The following GLCE variants were observed in gnomAD, a reference collection of about 807,000 sequenced individuals.
GLCE encodes the protein glucuronic acid epimerase.
GLCE carries 19 observed loss-of-function variants against 47.9 expected under a neutral mutation model. The observed-to-expected ratio is 0.40, with a 90% CI of 0.28 to 0.58. The LOEUF is 0.58. Among genes scored for constraint, GLCE ranks in the 20% least tolerant of loss-of-function variants. GLCE has a pLI of 0.48. For missense variants in GLCE, 556 were observed against 743.3 expected (o/e 0.75, Z 2.93); for synonymous variants, 245 against 263.4 (o/e 0.93, Z 0.68).
At chr15:69,216,824 ATGAT>A (rs2052314031) in intron 2 of GLCE, among the ~76,000 whole-genome samples, 2 of 152,158 alleles carry the variant, frequency 1.3e-5, no homozygotes, top group African/African-American at 2.4e-5. Flanking sequence ...GTGAGTAATT[ATGAT>A]TGATTCTGTT....
chr15:69,219,370 A>G (rs185420729), intron 2 of GLCE, among the ~76,000 whole-genome samples: 7 of 152,310 alleles, frequency 4.6e-5, no homozygotes, highest in Admixed American at 4.6e-4. Context: ...GACATTTGGT[A>G]AGGAAAAAGT....
Position 69,271,733 on chromosome 15 carries a change from G to A in GLCE, c.*2489G>A, listed in dbSNP as rs992172477. ...TATTGCTACTTCAGTTGTAAAACCA[G>A]CCAAAAGTTTCTGGATGAAGGTCAA... On this transcript the variant is annotated 3_prime_UTR_variant, in exon 5 of 5. Coordinates refer to ENST00000261858, the MANE Select transcript of GLCE (RefSeq NM_015554.3). 6.6e-6 allele frequency: 1 copy of A among 152,428 alleles called. No homozygotes were observed. The highest frequency in any genetic ancestry group is 1.5e-5 in the Non-Finnish European group (1 of 68,030). The allele number at this position is 152,428 out of a possible 1,614,324, so 9.4% of individuals were successfully genotyped here.
intron 2 of GLCE, among the ~76,000 whole-genome samples, chr15:69,247,180 A>G (rs1040063841): frequency 6.6e-6 from 1 of 152,238 alleles, no homozygotes; most frequent in African/African-American, 2.4e-5. Context: ...TTCTAATAGA[A>G]GACTGCTTTG....
intron 2 of GLCE, among the ~76,000 whole-genome samples, chr15:69,215,168 A>G (rs913387155): frequency 3.9e-5 from 6 of 152,256 alleles, no homozygotes; most frequent in Non-Finnish European, 8.8e-5. Flanking sequence ...ATCTACCAAC[A>G]GCAGTTCTGT....
At chr15:69,241,983 A>G (rs1439617139) in intron 2 of GLCE, among the ~76,000 whole-genome samples, 1 of 152,230 alleles carries the variant, frequency 6.6e-6, no homozygotes, top group African/African-American at 2.4e-5. Context: ...AGACCACCTT[A>G]TCAATTTCTG....
intron 1 of GLCE, among the ~76,000 whole-genome samples, 186 bp from the exon 2 acceptor site, chr15:69,210,130 G>T (rs1475423970): frequency 1.3e-5 from 2 of 152,094 alleles, no homozygotes; most frequent in Non-Finnish European, 2.9e-5. Flanking sequence ...ACCTGTGGTT[G>T]CTTCAGTGGT....
intron 1 of GLCE, among the ~76,000 whole-genome samples, chr15:69,193,250 G>A (rs2051940034): frequency 6.6e-6 from 1 of 152,064 alleles, no homozygotes; most frequent in African/African-American, 2.4e-5. Flanking sequence ...CCCTTTTAGG[G>A]CAATAGTCTG....
chr15:69,190,708 T>C (rs1170454354), intron 1 of GLCE, among the ~76,000 whole-genome samples: 1 of 152,150 alleles, frequency 6.6e-6, no homozygotes, highest in Admixed American at 6.6e-5. Flanking sequence ...TACTTCTTTT[T>C]AAATACAATC....
intron 1 of GLCE, among the ~76,000 whole-genome samples, chr15:69,186,121 G>A (rs1055744013): frequency 2.0e-5 from 3 of 152,126 alleles, no homozygotes; most frequent in Admixed American, 1.3e-4. Context: ...GGGAACCTCC[G>A]TATGTTCAGC....
intron 2 of GLCE, among the ~76,000 whole-genome samples, chr15:69,239,508 C>G (rs976234579): frequency 2.6e-5 from 4 of 152,152 alleles, no homozygotes; most frequent in African/African-American, 9.7e-5. Flanking sequence ...CTGTTCCTCA[C>G]AGGTACAGAT....
At chr15:69,228,701 T>C (rs1269889316) in intron 2 of GLCE, among the ~76,000 whole-genome samples, 1 of 152,216 alleles carries the variant, frequency 6.6e-6, no homozygotes, top group African/African-American at 2.4e-5. Flanking sequence ...ATTTCTTTCT[T>C]TTTCTTTTGA....
rs890406007 is a variant in GLCE, at chr15:69,270,901, A to G, written c.*1657A>G. On this transcript the variant is annotated 3_prime_UTR_variant, in exon 5 of 5. Transcript: ENST00000261858. ...TTATTAGGCTTACCCCTAGCTTTTG[A>G]CCTTTGCATTTCATATATGTTAGAT... The G allele has an allele frequency of 2.6e-5, 4 of 152,126 alleles. No individual in the cohort carries two copies. Among genetic ancestry groups the G allele is most frequent in the African/African-American group, 7.2e-5 (3 of 41,420 alleles). The allele number at this position is 152,126 out of a possible 1,614,324, so 9.4% of individuals were successfully genotyped here. A position where few individuals can be genotyped will look rare whatever the true frequency, so the allele number is the denominator to read the frequency against.
intron 1 of GLCE, among the ~76,000 whole-genome samples, chr15:69,174,664 A>G (rs1242708493): frequency 3.3e-5 from 5 of 152,178 alleles, no homozygotes; most frequent in Non-Finnish European, 4.4e-5. Context: ...CCCAAAGATT[A>G]TTAACTTCTA....
intron 1 of GLCE, among the ~76,000 whole-genome samples, chr15:69,164,166 C>A (rs2051467024): frequency 6.6e-6 from 1 of 151,944 alleles, no homozygotes; most frequent in African/African-American, 2.4e-5. Context: ...TTTTGTCAAA[C>A]ATATACACAT....
intron 1 of GLCE, among the ~76,000 whole-genome samples, chr15:69,164,578 T>C (rs989987375): frequency 6.6e-6 from 1 of 151,190 alleles, no homozygotes; most frequent in Non-Finnish European, 1.5e-5. Context: ...TATAAAAAGA[T>C]ACATATACAC....
In GLCE at chr15:69,267,266, A is replaced by G. The variant is rs190523241; in HGVS notation, c.830-954A>G. Reference sequence around the variant, plus strand: ...GGCTTCGGAATAATAACCATCATTTATTACTATATTCCACTCCATTGTCTT... The same window carrying G: ...GGCTTCGGAATAATAACCATCATTTGTTACTATATTCCACTCCATTGTCTT... On this transcript the variant is annotated intron_variant, in intron 4 of 4. Transcript: ENST00000261858. 2.6e-5 allele frequency among the ~76,000 whole-genome samples: 4 copies of G among 152,328 alleles called. No individual in the cohort carries two copies. In the East Asian group the frequency reaches 7.7e-4, roughly 29 times the overall value.
intron 2 of GLCE, among the ~76,000 whole-genome samples, chr15:69,214,633 C>G (rs1034253904): frequency 1.3e-5 from 2 of 152,138 alleles, no homozygotes; most frequent in African/African-American, 4.8e-5. Context: ...ATACATACAT[C>G]TATATTTATT....
intron 2 of GLCE, among the ~76,000 whole-genome samples, chr15:69,213,068 T>C (rs1177710341): frequency 2.0e-5 from 3 of 152,106 alleles, no homozygotes; most frequent in Admixed American, 2.0e-4. Context: ...TTCTCTTGTT[T>C]AAAGCTCTTG....
chr15:69,167,520 A>G (rs2051522928), intron 1 of GLCE, among the ~76,000 whole-genome samples: 1 of 152,220 alleles, frequency 6.6e-6, no homozygotes, highest in African/African-American at 2.4e-5. Flanking sequence ...TGTTATTAGC[A>G]TCAGTCTTAC....
Sources: gnomAD v4.1 joint callset for allele counts (sites outside exome capture counted in the v4.1 genomes callset) on GRCh38, gnomAD v4.1.1 for gene constraint, MANE v1.5 for transcripts, NCBI Gene and HGNC (gene_info 2026-07-23, HGNC 2026-07-21) for gene names.